CDC73: variants seen among roughly 807,000 people sequenced by gnomAD.
CDC73 encodes cell division cycle 73.
CDC73 carries 21 observed loss-of-function variants against 83.7 expected under a neutral mutation model. The ratio of observed to expected loss-of-function variants is 0.25; its 90% CI spans 0.18 to 0.36. The LOEUF (loss-of-function observed/expected upper bound fraction) is 0.36, where lower values mean the gene tolerates loss of function less well. Ranked by LOEUF, CDC73 falls within the 10% of genes least tolerant of loss-of-function variation. CDC73 has a pLI of 1.00. For missense variants in CDC73, 342 were observed against 653.3 expected (o/e 0.52, Z 5.19); for synonymous variants, 224 against 212.9 (o/e 1.05, Z -0.45).
intron 2 of CDC73, among the ~76,000 whole-genome samples, chr1:193,128,704 A>C (rs1273330642): frequency 1.3e-5 from 2 of 152,218 alleles, no homozygotes; most frequent in Non-Finnish European, 2.9e-5. Flanking sequence ...TTTAAAATAA[A>C]AGGTTAATTT....
chr1:193,156,649 C>T (rs1676212067), intron 10 of CDC73, among the ~76,000 whole-genome samples: 1 of 152,114 alleles, frequency 6.6e-6, no homozygotes, highest in African/African-American at 2.4e-5. Flanking sequence ...TTTTATAAAG[C>T]TTCCTTCATT....
chr1:193,210,099 T>C (rs1242077561), intron 11 of CDC73, among the ~76,000 whole-genome samples: 1 of 152,156 alleles, frequency 6.6e-6, no homozygotes, highest in African/African-American at 2.4e-5. Flanking sequence ...TTCTAGTATT[T>C]TTTCTCAGCA....
At chr1:193,183,783 T>TA (rs1676759626) in intron 10 of CDC73, among the ~76,000 whole-genome samples, 1 of 151,940 alleles carries the variant, frequency 6.6e-6, no homozygotes, top group South Asian at 2.1e-4. Context: ...TTCTAAGTGT[T>TA]ACAAAGATAA....
At chr1:193,216,792 A>G (rs1320539223) in intron 13 of CDC73, among the ~76,000 whole-genome samples, 1 of 152,194 alleles carries the variant, frequency 6.6e-6, no homozygotes, top group Non-Finnish European at 1.5e-5. Flanking sequence ...TCGTTCAACA[A>G]ATGCAAATCA....
At position 193,138,179 on chromosome 1, in the gene CDC73, A is replaced by T. The variant is rs1216367951; in HGVS notation, c.512+6A>T. 26 of 1,579,398 alleles carry T rather than the reference A, an allele frequency of 1.6e-5. No homozygotes were observed. Among genetic ancestry groups the T allele is most frequent in the Non-Finnish European group, 2.2e-5 (25 of 1,148,340 alleles). ...GTACAGACTGAACAGATTAGGTAAG[A>T]ATTCTTTTTAAGTAGAAAGTAGGTA... On this transcript the variant is annotated splice_donor_region_variant and intron_variant, in intron 6 of 16. Coordinates refer to ENST00000367435, the MANE Select transcript of CDC73 (RefSeq NM_024529.5).
intron 13 of CDC73, among the ~76,000 whole-genome samples, chr1:193,232,745 A>G (rs1316231848): frequency 6.6e-6 from 1 of 152,080 alleles, no homozygotes; most frequent in Non-Finnish European, 1.5e-5. Flanking sequence ...TACTAAAAAT[A>G]CAAAAAAATT....
At chr1:193,148,639 ATTTTTTTTTT>A (rs894987430) in intron 8 of CDC73, among the ~76,000 whole-genome samples, 5 of 113,662 alleles carry the variant, frequency 4.4e-5, no homozygotes, top group Middle Eastern at 4.3e-3. Context: ...AAAATTTATA[ATTTTTTTTTT>A]TTTTTTTTTT....
intron 1 of CDC73, among the ~76,000 whole-genome samples, chr1:193,124,831 T>C (rs1282553585): frequency 1.3e-5 from 2 of 152,236 alleles, no homozygotes; most frequent in Non-Finnish European, 2.9e-5. Flanking sequence ...GATTTCTCTA[T>C]TGGTAAAGCC....
chr1:193,181,211 C>G, intron 10 of CDC73: 1 of 1,613,984 alleles, frequency 6.2e-7, no homozygotes, highest in Non-Finnish European at 8.5e-7. Context: ...CTTCCATTGG[C>G]ACTAAGTGTA....
At chr1:193,237,327 T>A (rs924008400) in intron 15 of CDC73, among the ~76,000 whole-genome samples, 17 of 151,394 alleles carry the variant, frequency 1.1e-4, no homozygotes, top group African/African-American at 3.6e-4. Flanking sequence ...TTCATTCATT[T>A]AAAAAAAAAG....
intron 15 of CDC73, among the ~76,000 whole-genome samples, chr1:193,248,250 G>A (rs192448677): frequency 2.2e-4 from 34 of 152,188 alleles, no homozygotes; most frequent in Middle Eastern, 3.4e-3. Context: ...ACAAAAAAGC[G>A]TGAATGACAA....
chr1:193,132,618 T>G (rs1675715481), intron 3 of CDC73, among the ~76,000 whole-genome samples: 1 of 152,066 alleles, frequency 6.6e-6, no homozygotes, highest in Non-Finnish European at 1.5e-5. Context: ...CAGCCATTTT[T>G]TTTTTTTTTA....
chr1:193,181,032 T>C (rs1490072277), intron 10 of CDC73: 1 of 1,613,854 alleles, frequency 6.2e-7, no homozygotes, highest in Non-Finnish European at 8.5e-7. Context: ...GTGCTAGACT[T>C]TCATTGCCCC....
chr1:193,254,009 TACA>T lies in CDC73; in HGVS notation c.*3302_*3304del, dbSNP rs1405787065. On this transcript the variant is annotated 3_prime_UTR_variant, in exon 17 of 17. Coordinates refer to ENST00000367435, the MANE Select transcript of CDC73 (RefSeq NM_024529.5). ...GCAGTATATTTTATAATATTACAAA[TACA>T]ACAATTATTTATAAAAGCTAGTCAA... 1 of 222,458 alleles carries T rather than the reference TACA, an allele frequency of 4.5e-6. No homozygotes were observed. Among genetic ancestry groups the T allele is most frequent in the Non-Finnish European group, 9.0e-6 (1 of 111,504 alleles). 13.8% of individuals were successfully genotyped at this position (222,458 alleles called of 1,614,324 possible). A position where few individuals can be genotyped will look rare whatever the true frequency, so the allele number is the denominator to read the frequency against.
intron 10 of CDC73, among the ~76,000 whole-genome samples, chr1:193,189,034 A>G (rs1676875256): frequency 2.0e-5 from 3 of 151,276 alleles, no homozygotes; most frequent in South Asian, 2.1e-4. Flanking sequence ...TCTCACTGCA[A>G]CCTCTGCTTC....
chr1:193,181,775 G>A, intron 10 of CDC73: 1 of 436,122 alleles, frequency 2.3e-6, no homozygotes, highest in Non-Finnish European at 4.0e-6. Flanking sequence ...CTTAAGCTGT[G>A]AAAATATAAC....
At chr1:193,217,497 G>A (rs529453302) in intron 13 of CDC73, among the ~76,000 whole-genome samples, 10 of 152,170 alleles carry the variant, frequency 6.6e-5, no homozygotes, top group African/African-American at 1.9e-4. Flanking sequence ...CAGACCCTGC[G>A]TCATTCTGAT....
At chr1:193,125,657 C>G (rs895575117) in intron 2 of CDC73, among the ~76,000 whole-genome samples, 1 of 150,306 alleles carries the variant, frequency 6.7e-6, no homozygotes, top group African/African-American at 2.5e-5. Flanking sequence ...GCTTACTGTA[C>G]CCTCTACTTC....
chr1:193,238,286 C>T (rs542489454), intron 15 of CDC73, among the ~76,000 whole-genome samples: 8 of 152,214 alleles, frequency 5.3e-5, no homozygotes, highest in African/African-American at 1.7e-4. Flanking sequence ...AAACCCTTAC[C>T]GTTGACCTCA....
Sources: allele counts gnomAD v4.1 joint callset (sites outside exome capture counted in the v4.1 genomes callset), GRCh38; gene constraint gnomAD v4.1.1; transcripts MANE v1.5; gene names NCBI Gene and HGNC (gene_info 2026-07-23, HGNC 2026-07-21).